The following CSMD2 variants were observed in gnomAD, a reference collection of about 807,000 sequenced individuals.
CSMD2 encodes CUB and Sushi multiple domains 2, also known as CUB and sushi domain-containing protein 2.
Under a neutral mutation model 398.5 loss-of-function variants are expected in CSMD2, and 130 were observed. The observed-to-expected ratio is 0.33, with a 90% CI of 0.28 to 0.38. CSMD2 has a LOEUF of 0.38. Among genes scored for constraint, CSMD2 ranks in the 10% least tolerant of loss-of-function variants. The pLI is 1.00. For missense variants in CSMD2, 3,829 were observed against 4,764.9 expected, an observed-to-expected ratio of 0.80 and a Z score of 5.78; for synonymous variants, 1,828 against 1,908.5, an observed-to-expected ratio of 0.96 and a Z score of 1.10.
chr1:34,079,272 G>C (rs1242864796), intron 2 of CSMD2, among the ~76,000 whole-genome samples: 1 of 151,550 alleles, frequency 6.6e-6, no homozygotes, highest in Non-Finnish European at 1.5e-5. Flanking sequence ...CACAATCAGG[G>C]AAAAAAAGAA....
At chr1:34,103,454 A>G (rs11577333) in intron 1 of CSMD2, among the ~76,000 whole-genome samples, 23,860 of 151,438 alleles carry the variant, frequency 0.16, 2,196 homozygotes, top group South Asian at 0.37. Flanking sequence ...ACCCGCCACC[A>G]CGCCCAGCTA....
At chr1:34,001,080 GAGA>G (rs1022304493) in intron 3 of CSMD2, among the ~76,000 whole-genome samples, 2 of 151,872 alleles carry the variant, frequency 1.3e-5, no homozygotes, top group Non-Finnish European at 1.5e-5. Context: ...GGAGGAAAAG[GAGA>G]AGGAGGAATG....
chr1:33,677,613 T>A (rs764843896), intron 25 of CSMD2, among the ~76,000 whole-genome samples: 2 of 152,176 alleles, frequency 1.3e-5, no homozygotes, highest in Non-Finnish European at 2.9e-5. Context: ...ACTGGGTATA[T>A]GCCCAAAGGA....
intron 29 of CSMD2, among the ~76,000 whole-genome samples, chr1:33,640,486 C>A (rs745718468): frequency 2.0e-5 from 3 of 152,176 alleles, no homozygotes; most frequent in Non-Finnish European, 2.9e-5. Flanking sequence ...TACTGGAACA[C>A]AGCCATTTGT....
chr1:33,991,136 G>A (rs1046398995), intron 3 of CSMD2, among the ~76,000 whole-genome samples: 4 of 151,796 alleles, frequency 2.6e-5, no homozygotes, highest in African/African-American at 9.7e-5. Flanking sequence ...CTCCCAAGTA[G>A]CTAGGACTAC....
intron 2 of CSMD2, among the ~76,000 whole-genome samples, chr1:34,086,396 C>T (rs1657891634): frequency 6.6e-6 from 1 of 152,188 alleles, no homozygotes; most frequent in South Asian, 2.1e-4. Context: ...TCAAAAACCA[C>T]ATATTCAAGT....
At chr1:34,070,341 G>A (rs1284366813) in intron 2 of CSMD2, among the ~76,000 whole-genome samples, 2 of 152,166 alleles carry the variant, frequency 1.3e-5, no homozygotes, top group Non-Finnish European at 2.9e-5. Context: ...AGGGTAGATG[G>A]GTCCTTTTTC....
chr1:33,610,938 T>G (rs1640956145), intron 41 of CSMD2, 103 bp downstream of exon 41: 3 of 1,133,000 alleles, frequency 2.6e-6, no homozygotes, highest in Non-Finnish European at 3.9e-6. Flanking sequence ...ACCCACCCCT[T>G]ATGGTGTTCT....
chr1:33,558,572 T>C (rs901808764), intron 54 of CSMD2, among the ~76,000 whole-genome samples: 1 of 152,194 alleles, frequency 6.6e-6, no homozygotes, highest in Non-Finnish European at 1.5e-5. Flanking sequence ...ACTTATCATA[T>C]GAAGTGGGCA....
At chr1:33,920,163 C>A (rs1171279587) in intron 4 of CSMD2, among the ~76,000 whole-genome samples, 2 of 151,996 alleles carry the variant, frequency 1.3e-5, no homozygotes, top group Non-Finnish European at 2.9e-5. Context: ...GGGGGAAGAG[C>A]ATTCACGGAA....
At chr1:33,897,342 G>T (rs1288088676) in intron 5 of CSMD2, among the ~76,000 whole-genome samples, 2 of 152,188 alleles carry the variant, frequency 1.3e-5, no homozygotes, top group African/African-American at 4.8e-5. Context: ...CTTCGATTCT[G>T]CCCTGGCTCT....
At chr1:33,772,313 A>G in intron 13 of CSMD2, 1 of 370,862 alleles carries the variant, frequency 2.7e-6, no homozygotes, top group Non-Finnish European at 4.9e-6. Flanking sequence ...GCTCTTAAGG[A>G]TCACCAAGAA....
At chr1:33,869,074 T>A (rs1293547477) in intron 5 of CSMD2, 2 of 152,176 alleles carry the variant, frequency 1.3e-5, no homozygotes, top group African/African-American at 2.4e-5. Flanking sequence ...GCGAGATGTG[T>A]TTGGAAGGGT....
intron 39 of CSMD2, among the ~76,000 whole-genome samples, chr1:33,615,600 T>C (rs1641331740): frequency 6.6e-6 from 1 of 152,118 alleles, no homozygotes. Flanking sequence ...ACAGCACCCT[T>C]CTAATGGGGT....
intron 27 of CSMD2, among the ~76,000 whole-genome samples, chr1:33,656,995 G>T (rs2148983287): frequency 6.6e-6 from 1 of 152,234 alleles, no homozygotes; most frequent in East Asian, 1.9e-4. Flanking sequence ...TGGGCACCTG[G>T]AGGGTTTGTC....
rs963159636 is a variant in CSMD2 at position 33,606,054 on chromosome 1, G to T, written c.6344-584C>A. 2.6e-6 allele frequency: 4 copies of T among 1,549,530 alleles called. No homozygotes were observed. In the African/African-American group the frequency reaches 5.5e-5, roughly 21 times the overall value. ...CTAAGGGACGTGTGGCTGTCACAAA[G>T]CAAGTCCCTCCAAAGGGCAGGGAAG... On this transcript the variant is annotated intron_variant, in intron 41 of 70. Coordinates refer to ENST00000373381, the MANE Select transcript of CSMD2 (RefSeq NM_001281956.2).
In CSMD2 at chr1:33,519,535, CTG is replaced by C; in HGVS notation, c.10877_10878del (p.Thr3626SerfsTer76). The C allele has an allele frequency of 6.2e-7, 1 of 1,613,944 alleles. No homozygotes were observed. The highest frequency in any genetic ancestry group is 8.5e-7 in the Non-Finnish European group (1 of 1,180,014). On this transcript the variant is annotated frameshift_variant, in exon 70 of 71. Transcript: ENST00000373381. LOFTEE classifies it high-confidence loss of function. The surrounding 1 kb of genome is among the most constrained non-coding windows in gnomAD (Gnocchi z 5.6). The part of the protein sequence containing the change: ...MASEAEFTVS[T>X]VCTAV ...CCGGGTGGCTATACTGCTGTGCACA[CTG>C]TGCTGACTGTGAACTCCGCCTCGCT...
chr1:33,602,646 C>G (rs780861940), intron 42 of CSMD2, 100 bp from the exon 43 acceptor site: 19 of 1,087,280 alleles, frequency 1.7e-5, no homozygotes, highest in Non-Finnish European at 2.4e-5. Flanking sequence ...AACTAATCAT[C>G]CTGTCAGGGA....
intron 2 of CSMD2, among the ~76,000 whole-genome samples, chr1:34,051,156 C>T (rs149049142): frequency 0.033 from 5,072 of 152,294 alleles, 134 homozygotes; most frequent in Non-Finnish European, 0.051. Context: ...TAGGTTATCT[C>T]TTAGTATTAT....
Sources: allele counts gnomAD v4.1 joint callset (sites outside exome capture counted in the v4.1 genomes callset), GRCh38; gene constraint gnomAD v4.1.1; non-coding constraint Gnocchi (gnomAD v3.1); transcripts MANE v1.5; gene names NCBI Gene and HGNC (gene_info 2026-07-23, HGNC 2026-07-21).